HMGA1: variants seen among roughly 807,000 people sequenced by gnomAD.
The protein encoded by HMGA1 is high mobility group AT-hook 1.
A neutral mutation model predicts 15.1 loss-of-function variants in HMGA1; 1 was observed. That is an observed-to-expected ratio of 0.07 (90% CI 0.02 to 0.31). The LOEUF is 0.31. Among genes scored for constraint, HMGA1 ranks in the 10% least tolerant of loss-of-function variants. The pLI is 1.00. For missense variants in HMGA1, 94 were observed against 141.4 expected (o/e 0.66, Z 1.70); for synonymous variants, 56 against 54.8 (o/e 1.02, Z -0.10).
intron 3 of HMGA1, among the ~76,000 whole-genome samples, chr6:34,241,117 A>AC (rs1352889863): frequency 6.6e-6 from 1 of 152,136 alleles, no homozygotes; most frequent in East Asian, 1.9e-4. Flanking sequence ...CCAGGAGAGA[A>AC]CCGGGGGCCG....
In HMGA1 at chr6:34,245,918, C is replaced by G; in HGVS notation, c.*1034C>G. ...CATCCGTCATTGCTGCTGCTACCAG[C>G]GCCAAATGTTCATCCTCATTGCCTC... On this transcript the variant is annotated 3_prime_UTR_variant, in exon 6 of 6. Coordinates refer to ENST00000311487, the MANE Select transcript of HMGA1 (RefSeq NM_145899.3). 3.2e-6 allele frequency: 1 copy of G among 309,702 alleles called. No homozygotes were observed. Among genetic ancestry groups the G allele is most frequent in the South Asian group, 4.3e-5 (1 of 23,302 alleles). 19.2% of individuals were successfully genotyped at this position (309,702 alleles called of 1,614,324 possible).
intron 2 of HMGA1, 140 bp downstream of exon 2, chr6:34,237,457 C>G (rs1230062204): frequency 1.0e-4 from 15 of 144,198 alleles, no homozygotes; most frequent in African/African-American, 3.7e-4. Flanking sequence ...CGGCGCGAGC[C>G]GGCGGCGGGG....
Position 34,244,877 on chromosome 6 carries a change from A to T in HMGA1, c.317A>T (p.Glu106Val), listed in dbSNP as rs1355178396. Residue 106 changes from glutamate (E) to valine (V), a missense_variant, in exon 6 of 6, where the codon GAG (glutamate) becomes GTG (valine). Physicochemically the swap from Glu to Val is moderately radical, Grantham distance 121 (BLOSUM62 -2). Coordinates refer to ENST00000311487, the MANE Select transcript of HMGA1 (RefSeq NM_145899.3). ...EGISQESSEE[E>V]Q ...ATCTCGCAGGAGTCCTCGGAGGAGG[A>T]GCAGTGACCCATGCGTGCCGCCTGC... 1 of 1,561,846 alleles carries T rather than the reference A, an allele frequency of 6.4e-7. No individual in the cohort carries two copies. Among genetic ancestry groups the T allele is most frequent in the African/African-American group, 1.4e-5 (1 of 73,806 alleles).
chr6:34,238,244 C>G (rs935200426), intron 2 of HMGA1, among the ~76,000 whole-genome samples: 3 of 152,020 alleles, frequency 2.0e-5, no homozygotes, highest in Non-Finnish European at 4.4e-5. Context: ...GCAGGAGCGG[C>G]CTGCGCCCCT....
chr6:34,238,385 G>A (rs1270028254), intron 2 of HMGA1, among the ~76,000 whole-genome samples: 2 of 152,216 alleles, frequency 1.3e-5, no homozygotes, highest in African/African-American at 4.8e-5. Context: ...CGCTAGGCGG[G>A]TAGGCAAAGT....
rs571830852 is a variant in HMGA1 at position 34,245,982 on chromosome 6, G to A, written c.*1098G>A. On this transcript the variant is annotated 3_prime_UTR_variant, in exon 6 of 6. Coordinates refer to ENST00000311487, the MANE Select transcript of HMGA1 (RefSeq NM_145899.3). ...GATCCCCTCCCCCAAGATACTCTTT[G>A]TGGGGAAGAGGGGCTGGGGCATGGC... 7 of 275,534 alleles carry A rather than the reference G, an allele frequency of 2.5e-5. No homozygotes were observed. The highest frequency in any genetic ancestry group is 1.3e-4 in the South Asian group (2 of 15,176). The allele number at this position is 275,534 out of a possible 1,614,324, so 17.1% of individuals were successfully genotyped here.
chr6:34,245,771 G>C lies in HMGA1; in HGVS notation c.*887G>C. The C allele has an allele frequency of 4.4e-6, 2 of 458,590 alleles. No individual in the cohort carries two copies. 28.4% of individuals were successfully genotyped at this position (458,590 alleles called of 1,614,324 possible). On this transcript the variant is annotated 3_prime_UTR_variant, in exon 6 of 6. Transcript: ENST00000311487. ...GCACCAATAACAAGGAGCTCACCCT[G>C]CCCGCTCCCAACCCCCCTCCTGCTC...
In HMGA1 at chr6:34,245,009, C is replaced by G; in HGVS notation, c.*125C>G. On this transcript the variant is annotated 3_prime_UTR_variant, in exon 6 of 6. Coordinates refer to ENST00000311487, the MANE Select transcript of HMGA1 (RefSeq NM_145899.3). ...CCATCACCACCGCCTCTGGCCGCCACCCCCATCTTCCACCTGTGCCCTCAC... is the reference window on the plus strand; with the variant it reads ...CCATCACCACCGCCTCTGGCCGCCAGCCCCATCTTCCACCTGTGCCCTCAC... The G allele has an allele frequency of 6.5e-7, 1 of 1,542,198 alleles. No homozygotes were observed. Among genetic ancestry groups the G allele is most frequent in the Non-Finnish European group, 8.8e-7 (1 of 1,142,760 alleles).
intron 2 of HMGA1, chr6:34,238,712 G>A (rs1762041003): frequency 1.3e-5 from 2 of 152,148 alleles, no homozygotes; most frequent in South Asian, 4.1e-4. Flanking sequence ...AGGTGGAAAA[G>A]ACGAACGTTT....
chr6:34,236,988 C>G (rs564404149), intron 1 of HMGA1, 25 bp downstream of exon 1: 1 of 152,398 alleles, frequency 6.6e-6, no homozygotes, highest in African/African-American at 2.4e-5. Flanking sequence ...GCTCCGGTGG[C>G]TTCTTTTTTT....
At chr6:34,237,126 A>C (rs1761815966) in intron 1 of HMGA1, 78 bp from the exon 2 acceptor site, 1 of 151,528 alleles carries the variant, frequency 6.6e-6, no homozygotes, top group African/African-American at 2.4e-5. Context: ...TGTGACACAT[A>C]AATACCCCGC....
At chr6:34,242,589 A>AGGGAT in intron 3 of HMGA1, 123 bp from the exon 4 acceptor site, 1 of 722,492 alleles carries the variant, frequency 1.4e-6, no homozygotes, top group South Asian at 1.5e-5. Flanking sequence ...TTCCTAGGTC[A>AGGGAT]GGGATGGTTT....
Position 34,244,957 on chromosome 6 carries a change from A to G in HMGA1, c.*73A>G. On this transcript the variant is annotated 3_prime_UTR_variant, in exon 6 of 6. Coordinates refer to ENST00000311487, the MANE Select transcript of HMGA1 (RefSeq NM_145899.3). Reference sequence around the variant, plus strand: ...GACTGGACAGCTTTGCTCCGCTCCCACCGCCCCCACCCCTTCCCCAGGCCC... The same window carrying G: ...GACTGGACAGCTTTGCTCCGCTCCCGCCGCCCCCACCCCTTCCCCAGGCCC... 2.7e-6 allele frequency: 4 copies of G among 1,460,774 alleles called. No homozygotes were observed. The highest frequency in any genetic ancestry group is 3.7e-6 in the Non-Finnish European group (4 of 1,079,830). 90.5% of individuals were successfully genotyped at this position (1,460,774 alleles called of 1,614,324 possible). A position where few individuals can be genotyped will look rare whatever the true frequency, so the allele number is the denominator to read the frequency against.
Position 34,244,866 on chromosome 6 carries a change from C to T in HMGA1, c.306C>T (p.Ser102=), listed in dbSNP as rs1288133011. The change falls in exon 6 of 6, where the codon TCC becomes TCT. Residue 102 remains serine, a synonymous_variant. Coordinates refer to ENST00000311487, the MANE Select transcript of HMGA1 (RefSeq NM_145899.3). ...AAGAGGAGGGCATCTCGCAGGAGTC[C>T]TCGGAGGAGGAGCAGTGACCCATGC... ...KEEEEGISQE[S]SEEEQ 2 of 1,565,934 alleles carry T rather than the reference C, an allele frequency of 1.3e-6. No homozygotes were observed. Among genetic ancestry groups the T allele is most frequent in the Admixed American group, 1.9e-5 (1 of 52,694 alleles).
In HMGA1 at chr6:34,242,779, G is replaced by A. The variant is rs776869927; in HGVS notation, c.203G>A (p.Gly68Asp). Reference sequence around the variant, plus strand: ...CGACCAAAGGGAAGCAAAAACAAGGGTGCTGCCAAGACCCGGGTGAGACTT... The same window carrying A: ...CGACCAAAGGGAAGCAAAAACAAGGATGCTGCCAAGACCCGGGTGAGACTT... ...RGRPKGSKNK[G>D]AAKTRKTTTT... The change falls in exon 4 of 6, where the codon GGT becomes GAT. Residue 68 changes from glycine (G) to aspartate (D), a missense_variant. Transcript: ENST00000311487. The A allele has an allele frequency of 4.4e-6, 7 of 1,589,982 alleles. No homozygotes were observed. Among genetic ancestry groups the A allele is most frequent in the Non-Finnish European group, 6.0e-6 (7 of 1,166,618 alleles).
chr6:34,241,054 C>A (rs1762266346), intron 3 of HMGA1, 139 bp downstream of exon 3: 1 of 963,966 alleles, frequency 1.0e-6, no homozygotes, highest in South Asian at 1.4e-5. Flanking sequence ...TGTCCTCCCA[C>A]CTGTGTGTAC....
chr6:34,245,748 A>G lies in HMGA1; in HGVS notation c.*864A>G. On this transcript the variant is annotated 3_prime_UTR_variant, in exon 6 of 6. Transcript: ENST00000311487. Reference sequence around the variant, plus strand: ...CCATTTCCCCCTCCTCAGATGGGGCACCAATAACAAGGAGCTCACCCTGCC... The same window carrying G: ...CCATTTCCCCCTCCTCAGATGGGGCGCCAATAACAAGGAGCTCACCCTGCC... 1.8e-6 allele frequency: 1 copy of G among 544,972 alleles called. No homozygotes were observed. Among genetic ancestry groups the G allele is most frequent in the South Asian group, 2.0e-5 (1 of 49,214 alleles). The allele number at this position is 544,972 out of a possible 1,614,324, so 33.8% of individuals were successfully genotyped here. A position where few individuals can be genotyped will look rare whatever the true frequency, so the allele number is the denominator to read the frequency against.
intron 4 of HMGA1, 28 bp from the exon 5 acceptor site, chr6:34,243,440 T>G (rs1221322669): frequency 6.3e-7 from 1 of 1,589,484 alleles, no homozygotes; most frequent in Admixed American, 1.7e-5. Context: ...CATTTTGGAC[T>G]TAGGAGATAT....
chr6:34,245,278 C>G lies in HMGA1; in HGVS notation c.*394C>G, dbSNP rs747119801. 1 of 1,373,230 alleles carries G rather than the reference C, an allele frequency of 7.3e-7. No homozygotes were observed. The highest frequency in any genetic ancestry group is 3.4e-5 in the East Asian group (1 of 29,524). 85.1% of individuals were successfully genotyped at this position (1,373,230 alleles called of 1,614,324 possible). On this transcript the variant is annotated 3_prime_UTR_variant, in exon 6 of 6. Coordinates refer to ENST00000311487, the MANE Select transcript of HMGA1 (RefSeq NM_145899.3). ...GCGCCCTCTCTGCTCCTTCACTGTT[C>G]CCTCTGGCTTCCCATAGTGGGGCCT...
Sources: gnomAD v4.1 joint callset for allele counts (sites outside exome capture counted in the v4.1 genomes callset) on GRCh38, gnomAD v4.1.1 for gene constraint, MANE v1.5 for transcripts, NCBI Gene and HGNC (gene_info 2026-07-23, HGNC 2026-07-21) for gene names.